Variants in FAM193A observed in about 807,000 individuals in gnomAD.
FAM193A encodes the protein protein FAM193A.
A neutral mutation model predicts 126.5 loss-of-function variants in FAM193A; 22 were observed. The ratio of observed to expected loss-of-function variants is 0.17; its 90% CI spans 0.12 to 0.25. The LOEUF (loss-of-function observed/expected upper bound fraction) is 0.25. Ranked by LOEUF, FAM193A falls within the 10% of genes least tolerant of loss-of-function variation. FAM193A has a pLI of 1.00. For synonymous variants in FAM193A, 761 were observed against 646.8 expected, an observed-to-expected ratio of 1.18 and a Z score of -2.68; for missense variants, 1,675 against 1,672.8, an observed-to-expected ratio of 1.00 and a Z score of -0.02.
chr4:2,590,440 G>A (rs1304863244), intron 1 of FAM193A, among the ~76,000 whole-genome samples: 24 of 73,578 alleles, frequency 3.3e-4, no homozygotes, highest in Middle Eastern at 9.3e-3. Context: ...ATTCCAGCCT[G>A]GTGACAGAGC....
At chr4:2,602,881 G>C (rs912281342) in intron 2 of FAM193A, among the ~76,000 whole-genome samples, 3 of 148,106 alleles carry the variant, frequency 2.0e-5, no homozygotes, top group African/African-American at 7.5e-5. Context: ...AGGATTGTCT[G>C]GATCTCCTGA....
chr4:2,720,035 T>TC (rs1389600881), intron 20 of FAM193A: 1 of 186,764 alleles, frequency 5.4e-6, no homozygotes, highest in South Asian at 6.5e-5. Flanking sequence ...CCTCAAGTGA[T>TC]CTGCCCACCT....
chr4:2,691,392 T>G (rs144792576), intron 15 of FAM193A, among the ~76,000 whole-genome samples: 5 of 152,280 alleles, frequency 3.3e-5, no homozygotes, highest in African/African-American at 1.2e-4. Context: ...ATTTCTGTAT[T>G]TTTTGGTAGA....
chr4:2,623,305 G>T (rs555118008), intron 2 of FAM193A, among the ~76,000 whole-genome samples: 1 of 152,304 alleles, frequency 6.6e-6, no homozygotes, highest in Non-Finnish European at 1.5e-5. Flanking sequence ...GAGTAGCTGG[G>T]ACTACAGGCG....
At chr4:2,545,486 C>G (rs1335071175) in intron 1 of FAM193A, among the ~76,000 whole-genome samples, 2 of 151,994 alleles carry the variant, frequency 1.3e-5, no homozygotes, top group Non-Finnish European at 2.9e-5. Context: ...TTTATGGCTG[C>G]TATGAGTCAA....
intron 12 of FAM193A, among the ~76,000 whole-genome samples, chr4:2,671,587 G>A (rs1421295176): frequency 1.3e-5 from 2 of 152,120 alleles, no homozygotes; most frequent in Non-Finnish European, 2.9e-5. Context: ...AATGTGTCGC[G>A]GTATTTTCCT....
At chr4:2,726,552 C>CT (rs531631659) in intron 20 of FAM193A, among the ~76,000 whole-genome samples, 31 of 150,656 alleles carry the variant, frequency 2.1e-4, no homozygotes, top group East Asian at 9.7e-4. Flanking sequence ...CCTGTGGCTT[C>CT]TTTTTTTTTG....
intron 4 of FAM193A, among the ~76,000 whole-genome samples, chr4:2,628,630 C>T (rs1408057480): frequency 6.6e-6 from 1 of 151,948 alleles, no homozygotes; most frequent in African/African-American, 2.4e-5. Flanking sequence ...GAGTAAAATC[C>T]AAAGAAAAAC....
rs553690344 is a variant in FAM193A, at chr4:2,562,278, GTC to G, written c.255+25112_255+25113del. ...GCCTGGGCAACATAGGGAGACCCTC[GTC>G]TCTACAAAAAATATAGAAAAAATCA... On this transcript the variant is annotated intron_variant, in intron 1 of 20. Transcript: ENST00000637812. 9.5e-4 allele frequency among the ~76,000 whole-genome samples: 145 copies of G among 152,032 alleles called. 1 individual carries two copies. Among genetic ancestry groups the G allele is most frequent in the Non-Finnish European group, 1.8e-3 (119 of 67,978 alleles).
At chr4:2,657,338 GC>G (rs1418524149) in intron 7 of FAM193A, among the ~76,000 whole-genome samples, 4 of 151,450 alleles carry the variant, frequency 2.6e-5, no homozygotes, top group Non-Finnish European at 4.4e-5. Flanking sequence ...TTCTCTTTTT[GC>G]CTTTAACTCC....
chr4:2,711,409 G>A (rs951888193), intron 19 of FAM193A, among the ~76,000 whole-genome samples: 11 of 151,302 alleles, frequency 7.3e-5, no homozygotes, highest in Non-Finnish European at 1.5e-4. Flanking sequence ...GCATGATCTC[G>A]GCTCACTGCC....
At position 2,553,064 on chromosome 4, in the gene FAM193A, T is replaced by G. The variant is rs918113502; in HGVS notation, c.255+15894T>G. 3.3e-5 allele frequency among the ~76,000 whole-genome samples: 5 copies of G among 151,946 alleles called. No individual in the cohort carries two copies. The South Asian group carries it at 8.3e-4, about 25-fold the overall frequency. Reference sequence around the variant, plus strand: ...GGTTTTGCCATGTTGGTCAGGCTGTTGTCAAACTCCTGATCTCAAGTGATC... The same window carrying G: ...GGTTTTGCCATGTTGGTCAGGCTGTGGTCAAACTCCTGATCTCAAGTGATC... On this transcript the variant is annotated intron_variant, in intron 1 of 20. Transcript: ENST00000637812.
At position 2,699,680 on chromosome 4, in the gene FAM193A, C is replaced by A; in HGVS notation, c.3508C>A (p.Leu1170Met). The A allele has an allele frequency of 6.3e-7, 1 of 1,585,404 alleles. No individual in the cohort carries two copies. The highest frequency in any genetic ancestry group is 8.5e-7 in the Non-Finnish European group (1 of 1,169,640). Reference protein sequence around the residue: ...AKRARHKQRKLEEKARLEAEA... With the variant: ...AKRARHKQRKMEEKARLEAEA... ...AATTGCCTTCTTTTTGCATTGGCAG[C>A]TGGAGGAGAAAGCTCGCCTAGAAGC... The change falls in exon 19 of 21, where the codon CTG (leucine) becomes ATG (methionine). Residue 1170 changes from leucine to methionine, a missense_variant and splice_region_variant. Around this residue, in one of 4 missense-constraint regions of FAM193A, gnomAD observed 415 missense variants for 396.7 expected, o/e 1.05. Transcript: ENST00000637812.
intron 8 of FAM193A, among the ~76,000 whole-genome samples, chr4:2,658,251 C>G (rs567958150): frequency 6.6e-6 from 1 of 152,268 alleles, no homozygotes; most frequent in East Asian, 1.9e-4. Context: ...AGGATGTTGC[C>G]TGATGTCCCA....
chr4:2,607,970 G>A, intron 2 of FAM193A: 2 of 1,533,370 alleles, frequency 1.3e-6, no homozygotes, highest in Non-Finnish European at 1.8e-6. Context: ...ACCTTGAGAT[G>A]CTACCAGGGC....
intron 20 of FAM193A, among the ~76,000 whole-genome samples, chr4:2,725,549 A>G (rs1355319325): frequency 6.6e-6 from 1 of 151,314 alleles, no homozygotes; most frequent in Non-Finnish European, 1.5e-5. Flanking sequence ...CAAGCTGAGT[A>G]ATCCACCTGC....
chr4:2,673,659 T>C (rs1056371734), intron 13 of FAM193A, among the ~76,000 whole-genome samples: 49 of 152,272 alleles, frequency 3.2e-4, no homozygotes, highest in African/African-American at 1.1e-3. Flanking sequence ...AGCCTGATTT[T>C]CTCTGGGTGT....
chr4:2,683,670 A>G (rs548605383), intron 13 of FAM193A, among the ~76,000 whole-genome samples: 17 of 152,260 alleles, frequency 1.1e-4, no homozygotes, highest in African/African-American at 4.1e-4. Context: ...TATTTATTCC[A>G]CTTGATGTTC....
intron 13 of FAM193A, among the ~76,000 whole-genome samples, chr4:2,686,391 A>G (rs1308126534): frequency 6.6e-6 from 1 of 152,224 alleles, no homozygotes; most frequent in Non-Finnish European, 1.5e-5. Context: ...GCTAGACTCT[A>G]GGAAGACAAA....
Sources: gnomAD v4.1 joint callset for allele counts (sites outside exome capture counted in the v4.1 genomes callset) on GRCh38, gnomAD v4.1.1 for gene constraint, gnomAD v4.1.1 regional missense constraint, MANE v1.5 for transcripts, NCBI Gene and HGNC (gene_info 2026-07-23, HGNC 2026-07-21) for gene names.